Variants in PRKAR1B observed in about 807,000 individuals in gnomAD.
PRKAR1B encodes the protein protein kinase cAMP-dependent type I regulatory subunit beta.
A neutral mutation model predicts 46.5 loss-of-function variants in PRKAR1B; 22 were observed. The ratio of observed to expected loss-of-function variants is 0.47; its 90% CI spans 0.34 to 0.68. The LOEUF is 0.68. Ranked by LOEUF, PRKAR1B falls within the 30% of genes least tolerant of loss-of-function variation. The probability of loss-of-function intolerance (pLI) is 0.01; values close to 1 mark genes in which losing one functional copy is unlikely to be tolerated. For synonymous variants in PRKAR1B, 259 were observed against 217.7 expected (o/e 1.19, Z -1.67); for missense variants, 445 against 535.6 (o/e 0.83, Z 1.67).
intron 8 of PRKAR1B, among the ~76,000 whole-genome samples, chr7:580,962 G>C (rs1161200864): frequency 2.0e-5 from 3 of 152,118 alleles, no homozygotes; most frequent in African/African-American, 7.2e-5. Flanking sequence ...ATAGGGAAGG[G>C]GGGCGAGGAC....
intron 2 of PRKAR1B, among the ~76,000 whole-genome samples, chr7:681,441 G>A (rs1190051674): frequency 6.6e-6 from 1 of 151,998 alleles, no homozygotes; most frequent in Non-Finnish European, 1.5e-5. Context: ...AAATAAAGTG[G>A]GTGAGGCTCT....
At chr7:715,194 A>T (rs2128532051) in intron 1 of PRKAR1B, among the ~76,000 whole-genome samples, 1 of 152,222 alleles carries the variant, frequency 6.6e-6, no homozygotes, top group East Asian at 1.9e-4. Flanking sequence ...AATAAATAAT[A>T]AATAAATACC....
chr7:700,093 TC>T (rs898992014), intron 2 of PRKAR1B, among the ~76,000 whole-genome samples: 1 of 151,284 alleles, frequency 6.6e-6, no homozygotes, highest in Non-Finnish European at 1.5e-5. Flanking sequence ...AAAATGGGGG[TC>T]CCCGAATTCC....
At chr7:653,688 T>G (rs1235856685) in intron 4 of PRKAR1B, among the ~76,000 whole-genome samples, 1 of 152,076 alleles carries the variant, frequency 6.6e-6, no homozygotes, top group East Asian at 1.9e-4. Context: ...TGGTGCTACA[T>G]AGCTGGGGAG....
At chr7:650,320 T>G (rs954413178) in intron 4 of PRKAR1B, among the ~76,000 whole-genome samples, 1 of 152,178 alleles carries the variant, frequency 6.6e-6, no homozygotes, top group Non-Finnish European at 1.5e-5. Context: ...CAAGGGTCTG[T>G]GTGCCCTGCT....
chr7:640,799 CACACACACAG>C lies in PRKAR1B; in HGVS notation c.441-33357_441-33348del, dbSNP rs1243649104. On this transcript the variant is annotated intron_variant, in intron 4 of 10. Coordinates refer to ENST00000537384, the MANE Select transcript of PRKAR1B (RefSeq NM_001164760.2). ...ACACACACACACACACACACACACA[CACACACACAG>C]ACACAAATGAAATACCACTTTGCAT... Among the ~76,000 whole-genome samples the C allele has an allele frequency of 6.7e-3, 873 of 131,228 alleles. 4 individuals carry two copies. Among genetic ancestry groups the C allele is most frequent in the South Asian group, 0.014 (54 of 3,906 alleles). The allele number at this position is 131,228 out of a possible 152,430, so 86.1% of individuals were successfully genotyped here. A position where few individuals can be genotyped will look rare whatever the true frequency, so the allele number is the denominator to read the frequency against.
intron 9 of PRKAR1B, among the ~76,000 whole-genome samples, chr7:573,037 C>T (rs1025334453): frequency 4.6e-5 from 7 of 152,170 alleles, no homozygotes; most frequent in Admixed American, 3.3e-4. Flanking sequence ...CGGGCCCCGC[C>T]GCACCTGTCT....
At position 638,584 on chromosome 7, in the gene PRKAR1B, A is replaced by G. The variant is rs1232406232; in HGVS notation, c.441-31132T>C. On this transcript the variant is annotated intron_variant, in intron 4 of 10. Coordinates refer to ENST00000537384, the MANE Select transcript of PRKAR1B (RefSeq NM_001164760.2). ...AATGCCAGCCAGCCCTGCTAAGAAC[A>G]TTGTCTTCCTCGTAATGACATTGAA... is the stretch of plus-strand genomic sequence containing the variant. Among the ~76,000 whole-genome samples, 5 of 152,272 alleles carry G rather than the reference A, an allele frequency of 3.3e-5. No homozygotes were observed. In the South Asian group the frequency reaches 8.3e-4, roughly 25 times the overall value.
Position 560,359 on chromosome 7 carries a change from A to AAAT in PRKAR1B, c.892-8892_892-8890dup, listed in dbSNP as rs200894141. 0.11 allele frequency among the ~76,000 whole-genome samples: 15,597 copies of AAAT among 146,430 alleles called. 954 individuals carry two copies. Among genetic ancestry groups the AAAT allele is most frequent in the Non-Finnish European group, 0.14 (9,073 of 66,728 alleles). ...TAGCAGTGTTAGAATGAACTAATAC[A>AAAT]AATAATAATAATAATAATAATAATA... On this transcript the variant is annotated intron_variant, in intron 9 of 10. Coordinates refer to ENST00000537384, the MANE Select transcript of PRKAR1B (RefSeq NM_001164760.2). The surrounding 1 kb of genome is among the most constrained non-coding windows in gnomAD (Gnocchi z 4.2).
At chr7:596,003 C>T (rs991422581) in intron 7 of PRKAR1B, 143 bp downstream of exon 7, 29 of 1,091,164 alleles carry the variant, frequency 2.7e-5, no homozygotes, top group Non-Finnish European at 3.4e-5. Context: ...CCCCTTTCCA[C>T]TCCTCTCACA....
rs756892034 is a variant in PRKAR1B, at chr7:680,743, A to C, written c.178-17T>G. On this transcript the variant is annotated splice_polypyrimidine_tract_variant and intron_variant, in intron 2 of 10. Transcript: ENST00000537384. The stretch of plus-strand genomic sequence containing the variant: ...GTTTTCTTCCTGTGTGGGAGAGGAA[A>C]ACACAGAAAGGAAGTAAGAACCTGG... 6.2e-7 allele frequency: 1 copy of C among 1,613,634 alleles called. No homozygotes were observed. The highest frequency in any genetic ancestry group is 8.5e-7 in the Non-Finnish European group (1 of 1,179,886).
At position 694,529 on chromosome 7, in the gene PRKAR1B, C is replaced by T. The variant is rs149438201; in HGVS notation, c.178-13803G>A. ...CTTCCCCTAATGCCCAGGCCCCAGG[C>T]GATGTGCCTGGCGAACTCCTACATA... On this transcript the variant is annotated intron_variant, in intron 2 of 10. Transcript: ENST00000537384. 3.1e-4 allele frequency among the ~76,000 whole-genome samples: 47 copies of T among 152,210 alleles called. No homozygotes were observed. In the East Asian group the frequency reaches 8.1e-3, roughly 26 times the overall value.
intron 9 of PRKAR1B, among the ~76,000 whole-genome samples, chr7:554,095 G>A (rs1264486585): frequency 6.6e-6 from 1 of 152,246 alleles, no homozygotes; most frequent in Non-Finnish European, 1.5e-5. Context: ...ACTGGCTCAG[G>A]CCAGACCCGG....
At chr7:610,269 A>G (rs1198427344) in intron 4 of PRKAR1B, among the ~76,000 whole-genome samples, 1 of 152,180 alleles carries the variant, frequency 6.6e-6, no homozygotes, top group Non-Finnish European at 1.5e-5. Flanking sequence ...GGTGGGCTGA[A>G]ACCCTTCCTG....
At chr7:568,301 C>G (rs1779295014) in intron 9 of PRKAR1B, among the ~76,000 whole-genome samples, 1 of 152,180 alleles carries the variant, frequency 6.6e-6, no homozygotes, top group South Asian at 2.1e-4. Flanking sequence ...GGGGAAGCTG[C>G]CCCCTCAGGA....
At chr7:552,329 G>T (rs563983919) in intron 9 of PRKAR1B, among the ~76,000 whole-genome samples, 49 of 12,008 alleles carry the variant, frequency 4.1e-3, no homozygotes, top group South Asian at 8.6e-3. Context: ...GGTCCTTCCC[G>T]CAGAGCCACT....
At chr7:562,387 G>T (rs2128426650) in intron 9 of PRKAR1B, among the ~76,000 whole-genome samples, 1 of 152,284 alleles carries the variant, frequency 6.6e-6, no homozygotes, top group East Asian at 1.9e-4. Flanking sequence ...CAGCTCCACA[G>T]GCCCAGCCCA....
chr7:604,941 G>A (rs530249017), intron 6 of PRKAR1B, among the ~76,000 whole-genome samples: 17 of 152,252 alleles, frequency 1.1e-4, no homozygotes, highest in South Asian at 4.1e-4. Context: ...TGACCGTCTC[G>A]GGTAGCAGAA....
intron 8 of PRKAR1B, among the ~76,000 whole-genome samples, chr7:580,405 AAT>A (rs1310653287): frequency 1.1e-5 from 1 of 92,384 alleles, no homozygotes; most frequent in East Asian, 2.5e-4. Context: ...ATACAAAAAA[AAT>A]AATAATAATA....
Sources: allele counts gnomAD v4.1 joint callset (sites outside exome capture counted in the v4.1 genomes callset), GRCh38; gene constraint gnomAD v4.1.1; non-coding constraint Gnocchi (gnomAD v3.1); transcripts MANE v1.5; gene names NCBI Gene and HGNC (gene_info 2026-07-23, HGNC 2026-07-21).